The following PLAA variants were observed in gnomAD, a reference collection of about 807,000 sequenced individuals.
PLAA encodes phospholipase A-2-activating protein.
Under a neutral mutation model 84.1 loss-of-function variants are expected in PLAA, and 48 were observed. The observed-to-expected ratio is 0.57, with a 90% CI of 0.45 to 0.73. The LOEUF (loss-of-function observed/expected upper bound fraction) is 0.73. Ranked by LOEUF, PLAA falls within the 30% of genes least tolerant of loss-of-function variation. The probability of loss-of-function intolerance (pLI) is 0.00; values close to 1 mark genes in which losing one functional copy is unlikely to be tolerated. For synonymous variants in PLAA, 392 were observed against 336.6 expected (o/e 1.16, Z -1.80); for missense variants, 903 against 954.7 (o/e 0.95, Z 0.71).
At position 26,925,849 on chromosome 9, in the gene PLAA, T is replaced by C. The variant is rs770526842; in HGVS notation, c.845A>G (p.Asn282Ser). The change falls in exon 6 of 14, where the codon AAT (asparagine) becomes AGT (serine). Residue 282 changes from asparagine (N) to serine (S), a missense_variant. By Grantham distance (46) the Asn-to-Ser change is conservative (BLOSUM62 1). Transcript: ENST00000397292. ...CCTCGCACCAACCACAATGTCACCA[T>C]TGTCGAGCACACAGCAGCACCATAT... Reference protein sequence around the residue: ...QSIWCCCVLDNGDIVVGASDG... With the variant: ...QSIWCCCVLDSGDIVVGASDG... 4 of 1,614,044 alleles carry C rather than the reference T, an allele frequency of 2.5e-6. No homozygotes were observed. The highest frequency in any genetic ancestry group is 3.3e-5 in the Admixed American group (2 of 60,020).
chr9:26,910,482 C>A lies in PLAA; in HGVS notation c.1556-43G>T, dbSNP rs370530655. Reference sequence around the variant, plus strand: ...GATGATGATAATCACAAGGAGTGATCAAAAATGAGATTTTTCTAACTATAT... The same window carrying A: ...GATGATGATAATCACAAGGAGTGATAAAAAATGAGATTTTTCTAACTATAT... On this transcript the variant is annotated intron_variant, in intron 11 of 13. Transcript: ENST00000397292. 9.3e-4 allele frequency: 1,352 copies of A among 1,450,472 alleles called. 1 individual carries two copies. Among genetic ancestry groups the A allele is most frequent in the Non-Finnish European group, 1.2e-3 (1,295 of 1,038,762 alleles). 89.9% of individuals were successfully genotyped at this position (1,450,472 alleles called of 1,614,324 possible). A position where few individuals can be genotyped will look rare whatever the true frequency, so the allele number is the denominator to read the frequency against.
intron 2 of PLAA, among the ~76,000 whole-genome samples, chr9:26,929,732 C>G (rs1433032683): frequency 6.6e-6 from 1 of 152,154 alleles, no homozygotes; most frequent in Non-Finnish European, 1.5e-5. Flanking sequence ...TTATCCTATT[C>G]CTTTTCCATA....
rs1426318569 is a variant in PLAA at position 26,919,350 on chromosome 9, C to T, written c.1377G>A (p.Met459Ile). 2.5e-6 allele frequency: 4 copies of T among 1,611,994 alleles called. No homozygotes were observed. Among genetic ancestry groups the T allele is most frequent in the Non-Finnish European group, 3.4e-6 (4 of 1,179,524 alleles). The part of the protein sequence containing the change: ...KFIIDNTKGQ[M>I]LGLGNPSFSD... ...AAAAGCTGGGATTCCCAAGTCCCAA[C>T]ATTTGACCTTTTGTGTTATCAATAA... is the stretch of plus-strand genomic sequence containing the variant. Residue 459 changes from methionine (M) to isoleucine (I), a missense_variant, in exon 9 of 14, where the codon ATG becomes ATA. By Grantham distance (10) the Met-to-Ile change is conservative (BLOSUM62 1). Transcript: ENST00000397292.
Position 26,923,254 on chromosome 9 carries a change from G to T in PLAA, c.963C>A (p.Thr321=), listed in dbSNP as rs972463304. 6 of 1,613,772 alleles carry T rather than the reference G, an allele frequency of 3.7e-6. No homozygotes were observed. The highest frequency in any genetic ancestry group is 5.1e-6 in the Non-Finnish European group (6 of 1,179,752). The part of the protein sequence containing the change: ...KAFEKELSHA[T]IDSKTGDLGD... ...CTAAATCGCCAGTTTTAGAATCAAT[G>T]GTTGCGTGAGACAGTTCTTTTTCAA... Residue 321 remains threonine, a synonymous_variant, in exon 7 of 14, where the codon ACC becomes ACA. Coordinates refer to ENST00000397292, the MANE Select transcript of PLAA (RefSeq NM_001031689.3).
chr9:26,933,273 A>G (rs900819317), intron 2 of PLAA, among the ~76,000 whole-genome samples: 1 of 150,928 alleles, frequency 6.6e-6, no homozygotes, highest in South Asian at 2.1e-4. Flanking sequence ...TCTAAAAAAA[A>G]AAAAACCATA....
intron 4 of PLAA, among the ~76,000 whole-genome samples, chr9:26,927,169 G>A (rs893850871): frequency 4.9e-5 from 7 of 142,028 alleles, no homozygotes; most frequent in Non-Finnish European, 1.0e-4. Flanking sequence ...GGCCCAAGCT[G>A]GAGTGCACTG....
intron 6 of PLAA, 76 bp from the exon 7 acceptor site, chr9:26,923,423 G>T: frequency 9.5e-7 from 1 of 1,058,094 alleles, no homozygotes; most frequent in Non-Finnish European, 1.4e-6. Context: ...ATGATCCATA[G>T]TAAAAATAAT....
At chr9:26,929,648 G>A (rs1455688408) in intron 2 of PLAA, among the ~76,000 whole-genome samples, 1 of 152,084 alleles carries the variant, frequency 6.6e-6, no homozygotes, top group Non-Finnish European at 1.5e-5. Flanking sequence ...CTACTTATTT[G>A]GATTTCAGAA....
chr9:26,946,827 A>C, intron 1 of PLAA, 70 bp downstream of exon 1: 1 of 1,471,012 alleles, frequency 6.8e-7, no homozygotes, highest in South Asian at 1.4e-5. Flanking sequence ...CTGACAGGGA[A>C]GGGTCACTCT....
intron 1 of PLAA, among the ~76,000 whole-genome samples, chr9:26,945,323 T>C (rs1825657571): frequency 6.6e-6 from 1 of 152,218 alleles, no homozygotes; most frequent in Admixed American, 6.5e-5. Flanking sequence ...TACTCCTTAC[T>C]GCAATGGTTA....
chr9:26,929,697 T>C (rs928926604), intron 2 of PLAA, among the ~76,000 whole-genome samples: 3 of 152,212 alleles, frequency 2.0e-5, no homozygotes, highest in African/African-American at 7.2e-5. Context: ...CACTGCTTCC[T>C]CTTCTGAATG....
At position 26,905,980 on chromosome 9, in the gene PLAA, C is replaced by A. The variant is rs769694733; in HGVS notation, c.1919G>T (p.Ser640Ile). 5 of 1,614,020 alleles carry A rather than the reference C, an allele frequency of 3.1e-6. No individual in the cohort carries two copies. The highest frequency in any genetic ancestry group is 4.2e-6 in the Non-Finnish European group (5 of 1,179,964). Residue 640 changes from serine to isoleucine, a missense_variant, in exon 14 of 14, where the codon AGC (serine) becomes ATC (isoleucine). Physicochemically the swap from Ser to Ile is moderately radical, Grantham distance 142 (BLOSUM62 -2). Transcript: ENST00000397292. ...GTTCAGAAGATTGATAAGATGACTG[C>A]TGAACTGAGCCCCTTCCTTTTCATT... The part of the protein sequence containing the change: ...FCNEKEGAQF[S>I]SHLINLLNPK...
chr9:26,947,186 T>TACGGA lies in PLAA; in HGVS notation c.-146_-142dup. ...GAGACCGGAAGAGCCCGAGAGCCGG[T>TACGGA]ACGGAAGGGCGGCTGGGAAGGGGCG... On this transcript the variant is annotated 5_prime_UTR_variant, in exon 1 of 14. Transcript: ENST00000397292. The TACGGA allele has an allele frequency of 9.8e-7, 1 of 1,015,666 alleles. No individual in the cohort carries two copies. Among genetic ancestry groups the TACGGA allele is most frequent in the South Asian group, 1.9e-5 (1 of 53,608 alleles). 62.9% of individuals were successfully genotyped at this position (1,015,666 alleles called of 1,614,324 possible). A position where few individuals can be genotyped will look rare whatever the true frequency, so the allele number is the denominator to read the frequency against.
At chr9:26,936,405 G>T (rs187395615) in intron 1 of PLAA, among the ~76,000 whole-genome samples, 17 of 152,238 alleles carry the variant, frequency 1.1e-4, no homozygotes, top group Admixed American at 4.6e-4. Context: ...CTGGGAAGTC[G>T]GCAGAGTCGG....
In PLAA at chr9:26,905,363, T is replaced by A. The variant is rs1824195894; in HGVS notation, c.*148A>T. 9.2e-6 allele frequency: 6 copies of A among 650,276 alleles called. No individual in the cohort carries two copies. The highest frequency in any genetic ancestry group is 6.3e-5 in the South Asian group (3 of 47,608). 40.3% of individuals were successfully genotyped at this position (650,276 alleles called of 1,614,324 possible). On this transcript the variant is annotated 3_prime_UTR_variant, in exon 14 of 14. Coordinates refer to ENST00000397292, the MANE Select transcript of PLAA (RefSeq NM_001031689.3). The stretch of plus-strand genomic sequence containing the variant: ...CAGTTCAGCAGTGCAAAAATTTTAT[T>A]TCTGTTTCCCCTCCCCACCACTTTA...
intron 2 of PLAA, among the ~76,000 whole-genome samples, chr9:26,934,677 G>A (rs1825302750): frequency 6.6e-6 from 1 of 151,768 alleles, no homozygotes; most frequent in East Asian, 1.9e-4. Context: ...GCGGGGTTTT[G>A]CAATGTTTTC....
chr9:26,932,976 A>C (rs1424557917), intron 2 of PLAA, among the ~76,000 whole-genome samples: 3 of 152,042 alleles, frequency 2.0e-5, no homozygotes, highest in Non-Finnish European at 4.4e-5. Context: ...CCCTACTAAA[A>C]ACACAAAAAT....
rs747305976 is a variant in PLAA at position 26,923,163 on chromosome 9, C to T, written c.1039+15G>A. 7.1e-6 allele frequency: 11 copies of T among 1,544,812 alleles called. No individual in the cohort carries two copies. The highest frequency in any genetic ancestry group is 9.7e-6 in the Non-Finnish European group (11 of 1,138,610). Reference sequence around the variant, plus strand: ...TATGGTGAATTTTTTCTACTAGGTACAATAAAATACTTACCAGGTTCATTA... The same window carrying T: ...TATGGTGAATTTTTTCTACTAGGTATAATAAAATACTTACCAGGTTCATTA... On this transcript the variant is annotated intron_variant, in intron 7 of 13. Transcript: ENST00000397292.
intron 11 of PLAA, among the ~76,000 whole-genome samples, chr9:26,911,744 T>A (rs1346468324): frequency 6.6e-6 from 1 of 152,228 alleles, no homozygotes; most frequent in Non-Finnish European, 1.5e-5. Context: ...AAATCTAATT[T>A]ACATCTCACA....
Sources: allele counts gnomAD v4.1 joint callset (sites outside exome capture counted in the v4.1 genomes callset), GRCh38; gene constraint gnomAD v4.1.1; transcripts MANE v1.5; gene names NCBI Gene and HGNC (gene_info 2026-07-23, HGNC 2026-07-21).